Variants in ERICH1 observed in about 807,000 individuals in gnomAD.
The protein encoded by ERICH1 is glutamate-rich protein 1.
Under a neutral mutation model 39.6 loss-of-function variants are expected in ERICH1, and 56 were observed. The ratio of observed to expected loss-of-function variants is 1.41; its 90% CI spans 1.14 to 1.77. The LOEUF (loss-of-function observed/expected upper bound fraction) is 1.77. ERICH1 is among the 40% of genes most tolerant of loss of function. The probability of loss-of-function intolerance (pLI) is 0.00; values close to 1 mark genes in which losing one functional copy is unlikely to be tolerated. For synonymous variants in ERICH1, 313 were observed against 223.6 expected (o/e 1.40, Z -3.57); for missense variants, 826 against 575.4 (o/e 1.44, Z -4.45).
intron 3 of ERICH1, among the ~76,000 whole-genome samples, chr8:649,727 C>A (rs967923524): frequency 1.3e-5 from 2 of 152,198 alleles, no homozygotes; most frequent in Non-Finnish European, 2.9e-5. Context: ...GGCCCTGTGG[C>A]CCCTGGCTGA....
intron 3 of ERICH1, among the ~76,000 whole-genome samples, chr8:629,379 T>C (rs1200562382): frequency 0.035 from 2,041 of 59,140 alleles, 1 homozygote; most frequent in Middle Eastern, 0.07. Flanking sequence ...TGACTCACAC[T>C]CTCCTGTGAC....
At chr8:635,980 C>G (rs1037474250) in intron 3 of ERICH1, among the ~76,000 whole-genome samples, 59 of 152,252 alleles carry the variant, frequency 3.9e-4, no homozygotes, top group African/African-American at 1.4e-3. Context: ...AGAAGGCCTC[C>G]GCCTCGGCAG....
At chr8:729,028 G>A (rs546273162) in intron 1 of ERICH1, among the ~76,000 whole-genome samples, 12 of 152,258 alleles carry the variant, frequency 7.9e-5, no homozygotes, top group Admixed American at 3.9e-4. Context: ...ATGGGCCCCT[G>A]GATGTGTCCT....
intron 3 of ERICH1, among the ~76,000 whole-genome samples, chr8:679,137 C>G (rs1050142200): frequency 2.0e-5 from 3 of 149,840 alleles, no homozygotes. Context: ...AGCTCTCACC[C>G]GTCAAAGCTC....
chr8:697,805 C>G (rs1330553807), intron 2 of ERICH1, among the ~76,000 whole-genome samples: 1 of 152,204 alleles, frequency 6.6e-6, no homozygotes, highest in East Asian at 1.9e-4. Context: ...GCAGCAGCAG[C>G]ACGTGGGTCT....
In ERICH1 at chr8:658,055, C is replaced by T. The variant is rs555023739; in HGVS notation, c.976+10543G>A. Among the ~76,000 whole-genome samples, 30 of 152,360 alleles carry T rather than the reference C, an allele frequency of 2.0e-4. No homozygotes were observed. The South Asian group carries it at 3.1e-3, about 16-fold the overall frequency. On this transcript the variant is annotated intron_variant, in intron 3 of 3. Transcript: ENST00000522706. Reference sequence around the variant, plus strand: ...ACCATGTTTGAGAGAGAGGCTGGCACGGCCCCTTTCTAGAGGCCATTCTTA... The same window carrying T: ...ACCATGTTTGAGAGAGAGGCTGGCATGGCCCCTTTCTAGAGGCCATTCTTA...
chr8:643,521 C>T (rs1303953139), intron 3 of ERICH1, among the ~76,000 whole-genome samples: 1 of 151,832 alleles, frequency 6.6e-6, no homozygotes, highest in African/African-American at 2.4e-5. Flanking sequence ...GGGCCCTGGG[C>T]CGAAGCCCCG....
chr8:637,195 G>A lies in ERICH1; in HGVS notation c.977-21911C>T, dbSNP rs541429214. 1.2e-4 allele frequency among the ~76,000 whole-genome samples: 18 copies of A among 152,308 alleles called. No homozygotes were observed. In the South Asian group the frequency reaches 3.5e-3, roughly 30 times the overall value. On this transcript the variant is annotated intron_variant, in intron 3 of 3. Transcript: ENST00000522706. ...GTGTCAGCCCTGCTGGAAACAGGCT[G>A]GATCTGGCCACACTCATTCTGTGAA...
chr8:655,091 G>A (rs377145434), intron 3 of ERICH1, among the ~76,000 whole-genome samples: 1 of 152,214 alleles, frequency 6.6e-6, no homozygotes, highest in East Asian at 1.9e-4. Flanking sequence ...AACCCCGAGT[G>A]GTCTCTGCCG....
intron 3 of ERICH1, chr8:616,713 G>C (rs1584919914): frequency 4.9e-6 from 2 of 410,724 alleles, no homozygotes; most frequent in East Asian, 7.7e-5. Flanking sequence ...GAGAGAGATA[G>C]AGACACTCAG....
chr8:713,597 C>T (rs758184295), intron 2 of ERICH1, among the ~76,000 whole-genome samples: 1 of 152,122 alleles, frequency 6.6e-6, no homozygotes, highest in Non-Finnish European at 1.5e-5. Flanking sequence ...GCAGGTTAGA[C>T]AGGCTTTCTG....
intron 2 of ERICH1, among the ~76,000 whole-genome samples, chr8:702,655 T>G (rs552888214): frequency 6.6e-6 from 1 of 152,308 alleles, no homozygotes; most frequent in South Asian, 2.1e-4. Context: ...CTCACCACAC[T>G]CAGCACCAGG....
intron 2 of ERICH1, among the ~76,000 whole-genome samples, chr8:700,003 G>A (rs1356648633): frequency 1.6e-5 from 2 of 128,434 alleles, no homozygotes; most frequent in Non-Finnish European, 3.1e-5. Flanking sequence ...CCTCACAGGC[G>A]CACAGACCCG....
At chr8:705,994 G>A (rs1399149493) in intron 2 of ERICH1, among the ~76,000 whole-genome samples, 3 of 152,120 alleles carry the variant, frequency 2.0e-5, no homozygotes, top group Non-Finnish European at 2.9e-5. Flanking sequence ...TATTTTCACC[G>A]CACCTTCTTA....
intron 2 of ERICH1, among the ~76,000 whole-genome samples, chr8:699,639 G>A (rs950164651): frequency 6.6e-6 from 1 of 152,062 alleles, no homozygotes; most frequent in Non-Finnish European, 1.5e-5. Flanking sequence ...ATCTCAACAC[G>A]CGCGTGAAAG....
At chr8:687,285 G>A (rs996947399) in intron 3 of ERICH1, among the ~76,000 whole-genome samples, 2 of 152,196 alleles carry the variant, frequency 1.3e-5, no homozygotes, top group African/African-American at 2.4e-5. Flanking sequence ...AGGAACCGGG[G>A]AAACACTAAC....
intron 1 of ERICH1, among the ~76,000 whole-genome samples, chr8:722,286 C>T (rs776794731): frequency 1.3e-5 from 2 of 151,598 alleles, no homozygotes; most frequent in African/African-American, 4.8e-5. Context: ...CAATCAGCAC[C>T]GAGAAAAAGA....
chr8:670,009 T>C (rs1351286319), intron 4 of ERICH1, among the ~76,000 whole-genome samples: 1 of 152,138 alleles, frequency 6.6e-6, no homozygotes, highest in Non-Finnish European at 1.5e-5. Context: ...CCTGGGCCTG[T>C]TTCAGGGACA....
At chr8:628,652 G>A (rs953865232) in intron 3 of ERICH1, among the ~76,000 whole-genome samples, 15 of 152,190 alleles carry the variant, frequency 9.9e-5, no homozygotes, top group African/African-American at 2.2e-4. Flanking sequence ...CTCAGGATGC[G>A]GGTTCGCAAC....
Sources: gnomAD v4.1 joint callset for allele counts (sites outside exome capture counted in the v4.1 genomes callset) on GRCh38, gnomAD v4.1.1 for gene constraint, MANE v1.5 for transcripts, NCBI Gene and HGNC (gene_info 2026-07-23, HGNC 2026-07-21) for gene names.